NPLOC4: variants seen among roughly 807,000 people sequenced by gnomAD.
NPLOC4 encodes NPL4 homolog, ubiquitin recognition factor, also known as nuclear protein localization protein 4 homolog.
In NPLOC4, 18 loss-of-function variants were observed where a neutral mutation model predicts 80.6. The ratio of observed to expected loss-of-function variants is 0.22; its 90% CI spans 0.15 to 0.33. The LOEUF (loss-of-function observed/expected upper bound fraction) is 0.33. Among genes scored for constraint, NPLOC4 ranks in the 10% least tolerant of loss-of-function variants. The probability of loss-of-function intolerance (pLI) is 1.00; values close to 1 mark genes in which losing one functional copy is unlikely to be tolerated. For synonymous variants in NPLOC4, 313 were observed against 301.5 expected, an observed-to-expected ratio of 1.04 and a Z score of -0.39; for missense variants, 540 against 786.1, an observed-to-expected ratio of 0.69 and a Z score of 3.74.
chr17:81,631,437 T>TATATATATATATATATATATA (rs200897859), intron 1 of NPLOC4, among the ~76,000 whole-genome samples: 100 of 42,846 alleles, frequency 2.3e-3, no homozygotes, highest in Middle Eastern at 0.015. Flanking sequence ...TATATATATA[T>TATATATATATATATATATATA]TTTTTTTTTT....
At chr17:81,581,160 G>C (rs1177170338) in intron 12 of NPLOC4, among the ~76,000 whole-genome samples, 2 of 152,014 alleles carry the variant, frequency 1.3e-5, no homozygotes, top group East Asian at 1.9e-4. Flanking sequence ...GACCAGCCTG[G>C]CCAACATGGC....
intron 8 of NPLOC4, among the ~76,000 whole-genome samples, chr17:81,601,784 A>G (rs1004261324): frequency 6.6e-6 from 1 of 152,194 alleles, no homozygotes; most frequent in Admixed American, 6.5e-5. Flanking sequence ...CAAAGATACC[A>G]AAAATGTCAC....
intron 11 of NPLOC4, among the ~76,000 whole-genome samples, chr17:81,591,958 G>A (rs1398555804): frequency 2.0e-5 from 3 of 152,216 alleles, no homozygotes; most frequent in African/African-American, 7.2e-5. Context: ...TGTGGGGTAA[G>A]TTCTACACTG....
chr17:81,633,576 AAG>A (rs1393043545), intron 1 of NPLOC4, among the ~76,000 whole-genome samples: 3 of 152,196 alleles, frequency 2.0e-5, no homozygotes, highest in Non-Finnish European at 4.4e-5. Context: ...AATACACAGG[AAG>A]AGACAGACCT....
At chr17:81,614,748 C>T (rs2035435264) in intron 3 of NPLOC4, among the ~76,000 whole-genome samples, 1 of 152,194 alleles carries the variant, frequency 6.6e-6, no homozygotes. Flanking sequence ...GGCTAACAAG[C>T]ATCTCCACTC....
chr17:81,635,155 C>G (rs1390307178), intron 1 of NPLOC4, among the ~76,000 whole-genome samples: 1 of 151,802 alleles, frequency 6.6e-6, no homozygotes, highest in African/African-American at 2.4e-5. Flanking sequence ...ACCTGGCCAA[C>G]ACGGTGAAAC....
Position 81,559,283 on chromosome 17 carries a change from C to A in NPLOC4, c.1803G>T (p.Glu601Asp). ...CCTAGGTCCTGGGGAGGCTGCACATCTCGCAGTGGCCTGTGCCTGGCTGGT... is the reference window on the plus strand; with the variant it reads ...CCTAGGTCCTGGGGAGGCTGCACATATCGCAGTGGCCTGTGCCTGGCTGGT... ...FMNQPGTGHC[E>D]MCSLPRT Residue 601 changes from glutamate to aspartate, a missense_variant, in exon 17 of 17, where the codon GAG becomes GAT. By Grantham distance (45) the Glu-to-Asp change is conservative. Around this residue, in one of 6 missense-constraint regions of NPLOC4, gnomAD observed 87 missense variants for 70.3 expected, o/e 1.24. Coordinates refer to ENST00000331134, the MANE Select transcript of NPLOC4 (RefSeq NM_017921.4). The A allele has an allele frequency of 6.2e-7, 1 of 1,604,742 alleles. No individual in the cohort carries two copies. The highest frequency in any genetic ancestry group is 8.5e-7 in the Non-Finnish European group (1 of 1,176,166).
At position 81,571,840 on chromosome 17, in the gene NPLOC4, C is replaced by T. The variant is rs574045619; in HGVS notation, c.1353+177G>A. On this transcript the variant is annotated intron_variant, in intron 13 of 16. Coordinates refer to ENST00000331134, the MANE Select transcript of NPLOC4 (RefSeq NM_017921.4). The stretch of plus-strand genomic sequence containing the variant: ...AAAACTGTGAGCATTTCAGCAACAC[C>T]GCATGCTCAGTGATTCTACAACCAC... Among the ~76,000 whole-genome samples the T allele has an allele frequency of 3.9e-5, 6 of 152,206 alleles. No homozygotes were observed. In the South Asian group the frequency reaches 8.3e-4, roughly 21 times the overall value.
chr17:81,622,094 T>C, intron 3 of NPLOC4, 72 bp downstream of exon 3: 1 of 1,087,948 alleles, frequency 9.2e-7, no homozygotes, highest in Non-Finnish European at 1.4e-6. Flanking sequence ...AGGATAAAAC[T>C]CGGCAACCTC....
intron 8 of NPLOC4, among the ~76,000 whole-genome samples, chr17:81,601,619 A>G (rs2035057913): frequency 6.6e-6 from 1 of 152,152 alleles, no homozygotes; most frequent in African/African-American, 2.4e-5. Context: ...AAAAAACTGA[A>G]TCTGAATACT....
chr17:81,622,375 A>G (rs573784075), intron 2 of NPLOC4, 97 bp from the exon 3 acceptor site: 2 of 911,378 alleles, frequency 2.2e-6, no homozygotes, highest in African/African-American at 3.3e-5. Flanking sequence ...TATTCACCAA[A>G]TTTGGAAAGT....
intron 3 of NPLOC4, 98 bp downstream of exon 3, chr17:81,622,068 G>A: frequency 7.5e-6 from 6 of 802,824 alleles, no homozygotes; most frequent in Non-Finnish European, 1.3e-5. Flanking sequence ...CATAATGAGT[G>A]GTGTGATGAG....
At chr17:81,581,964 G>A (rs904005094) in intron 12 of NPLOC4, among the ~76,000 whole-genome samples, 3 of 152,190 alleles carry the variant, frequency 2.0e-5, no homozygotes, top group Non-Finnish European at 2.9e-5. Flanking sequence ...TCTCTGGGAC[G>A]TGCTGACAGC....
At chr17:81,599,550 T>C (rs2035010356) in intron 9 of NPLOC4, among the ~76,000 whole-genome samples, 5 of 152,190 alleles carry the variant, frequency 3.3e-5, no homozygotes. Flanking sequence ...AGGTTTTAAG[T>C]CACATTTGCA....
At position 81,559,248 on chromosome 17, in the gene NPLOC4, G is replaced by C. The variant is rs1264298081; in HGVS notation, c.*11C>G. On this transcript the variant is annotated 3_prime_UTR_variant, in exon 17 of 17. Coordinates refer to ENST00000331134, the MANE Select transcript of NPLOC4 (RefSeq NM_017921.4). ...GCTGGGCCCGGTCCTAGCCAGCAGA[G>C]GGCAGGCGCCCTAGGTCCTGGGGAG... 4 of 1,594,532 alleles carry C rather than the reference G, an allele frequency of 2.5e-6. No individual in the cohort carries two copies. The South Asian group carries it at 4.6e-5, about 18-fold the overall frequency.
intron 1 of NPLOC4, among the ~76,000 whole-genome samples, chr17:81,634,908 G>A (rs1036415800): frequency 6.6e-6 from 1 of 152,004 alleles, no homozygotes. Flanking sequence ...GGAGTCAAAG[G>A]TTTCTTGGCC....
chr17:81,587,666 A>G (rs75979626), intron 12 of NPLOC4, among the ~76,000 whole-genome samples: 1 of 137,470 alleles, frequency 7.3e-6, no homozygotes, highest in East Asian at 2.1e-4. Context: ...GAAACAAAGA[A>G]AAAAGTTGTT....
intron 3 of NPLOC4, among the ~76,000 whole-genome samples, chr17:81,620,750 G>T (rs551878136): frequency 6.6e-6 from 1 of 152,276 alleles, no homozygotes; most frequent in Non-Finnish European, 1.5e-5. Flanking sequence ...GACAAGCGTG[G>T]TCGTGAGCTG....
chr17:81,576,592 C>T lies in NPLOC4; in HGVS notation c.1282-4504G>A, dbSNP rs1280530485. Among the ~76,000 whole-genome samples, 5 of 152,162 alleles carry T rather than the reference C, an allele frequency of 3.3e-5. 1 individual carries two copies. In the South Asian group the frequency reaches 1.0e-3, roughly 32 times the overall value. ...ATTACAAGAAAAAGAGTTAAGGTATCTTTGAAATCAGAAAATATTTCAGCT... is the reference window on the plus strand; with the variant it reads ...ATTACAAGAAAAAGAGTTAAGGTATTTTTGAAATCAGAAAATATTTCAGCT... On this transcript the variant is annotated intron_variant, in intron 12 of 16. Transcript: ENST00000331134.
Sources: gnomAD v4.1 joint callset for allele counts (sites outside exome capture counted in the v4.1 genomes callset) on GRCh38, gnomAD v4.1.1 for gene constraint, gnomAD v4.1.1 regional missense constraint, MANE v1.5 for transcripts, NCBI Gene and HGNC (gene_info 2026-07-23, HGNC 2026-07-21) for gene names.